Variants in A4GALT observed in about 807,000 individuals in gnomAD.
A4GALT encodes the protein lactosylceramide 4-alpha-galactosyltransferase.
For synonymous variants in A4GALT, 257 were observed against 220.7 expected (o/e 1.16, Z -1.46); for missense variants, 512 against 486.0 (o/e 1.05, Z -0.50).
chr22:42,706,566 G>A (rs915933506), intron 1 of A4GALT, among the ~76,000 whole-genome samples: 12 of 151,958 alleles, frequency 7.9e-5, no homozygotes, highest in South Asian at 2.1e-4. Flanking sequence ...AGGCCAAGAC[G>A]GGTGGATCAC....
chr22:42,692,835 A>T lies in A4GALT; in HGVS notation c.*55T>A. 6.3e-7 allele frequency: 1 copy of T among 1,587,794 alleles called. No homozygotes were observed. The highest frequency in any genetic ancestry group is 8.5e-7 in the Non-Finnish European group (1 of 1,170,806). On this transcript the variant is annotated 3_prime_UTR_variant, in exon 3 of 3. Transcript: ENST00000642412. The surrounding 1 kb of genome is among the most constrained non-coding windows in gnomAD (Gnocchi z 4.6). Reference sequence around the variant, plus strand: ...GGCCCTCAATCTTGCCTCCCCGGGAAGGGCGGCCCAGTGCCCCATCAGGAG... The same window carrying T: ...GGCCCTCAATCTTGCCTCCCCGGGATGGGCGGCCCAGTGCCCCATCAGGAG...
chr22:42,701,905 C>T (rs1931322946), intron 1 of A4GALT, among the ~76,000 whole-genome samples: 1 of 152,152 alleles, frequency 6.6e-6, no homozygotes, highest in Admixed American at 6.6e-5. Flanking sequence ...ACTGTCATGA[C>T]ACGTGGATCC....
chr22:42,703,062 T>A (rs1275968990), intron 1 of A4GALT, among the ~76,000 whole-genome samples: 3 of 149,008 alleles, frequency 2.0e-5, no homozygotes, highest in African/African-American at 7.6e-5. Context: ...CCCTGCTGTG[T>A]GTGTGTGTGT....
chr22:42,713,447 A>G (rs1921867036), intron 1 of A4GALT, among the ~76,000 whole-genome samples: 1 of 152,228 alleles, frequency 6.6e-6, no homozygotes, highest in Non-Finnish European at 1.5e-5. Flanking sequence ...AATATGTACA[A>G]CAGGGAAGAG....
intron 1 of A4GALT, among the ~76,000 whole-genome samples, chr22:42,704,642 G>A (rs982836061): frequency 8.6e-5 from 13 of 151,994 alleles, no homozygotes; most frequent in African/African-American, 2.4e-4. Flanking sequence ...TCAAGCAGGC[G>A]GTCTTGCTGT....
chr22:42,692,988 G>A lies in A4GALT; in HGVS notation c.964C>T (p.Gln322Ter), dbSNP rs1288356197. Residue 322 changes from glutamine to a stop codon, truncating the protein, a stop_gained, in exon 3 of 3, where the codon CAG (glutamine) becomes TAG (stop). Coordinates refer to ENST00000642412, the MANE Select transcript of A4GALT (RefSeq NM_017436.7). LOFTEE classifies it high-confidence loss of function. This position sits in a 1 kb window ranked among gnomAD's most constrained non-coding sequence, Gnocchi z 4.6. ...YAVHVWNKKS[Q>*]GTRFEATSRA... ...GACGTGGCCTCGAACCGCGTGCCCT[G>A]GCTCTTCTTGTTCCACACGTGGACA... The A allele has an allele frequency of 6.2e-7, 1 of 1,613,540 alleles. No homozygotes were observed. Among genetic ancestry groups the A allele is most frequent in the Admixed American group, 1.7e-5 (1 of 60,032 alleles).
Position 42,693,148 on chromosome 22 carries a change from G to A in A4GALT, c.804C>T (p.Ala268=). Residue 268 remains alanine (A), a synonymous_variant, in exon 3 of 3, where the codon GCC becomes GCT. Transcript: ENST00000642412. The part of the protein sequence containing the change: ...FKKWCSIRSL[A]ESRACRGVTT... ...TGACGCCGCGGCAGGCGCGGCTCTC[G>A]GCCAGGCTGCGGATGGAACACCACT... is the stretch of plus-strand genomic sequence containing the variant. 3.1e-6 allele frequency: 5 copies of A among 1,600,032 alleles called. No individual in the cohort carries two copies. The highest frequency in any genetic ancestry group is 4.5e-5 in the East Asian group (2 of 44,040).
At chr22:42,707,157 TGATA>T (rs1400072883) in intron 1 of A4GALT, among the ~76,000 whole-genome samples, 1 of 152,196 alleles carries the variant, frequency 6.6e-6, no homozygotes, top group Non-Finnish European at 1.5e-5. Flanking sequence ...TCTACCCTAG[TGATA>T]GATACTGTGC....
At chr22:42,703,256 T>G (rs1602003678) in intron 1 of A4GALT, among the ~76,000 whole-genome samples, 1 of 110,092 alleles carries the variant, frequency 9.1e-6, no homozygotes, top group Non-Finnish European at 1.8e-5. Context: ...TTTGTTTGTT[T>G]TTGTTTTTTT....
chr22:42,713,209 C>T (rs1921847225), intron 1 of A4GALT, among the ~76,000 whole-genome samples: 1 of 152,210 alleles, frequency 6.6e-6, no homozygotes, highest in African/African-American at 2.4e-5. Context: ...CATCACTGAC[C>T]TCTTAGAGCG....
intron 1 of A4GALT, among the ~76,000 whole-genome samples, chr22:42,708,666 C>T (rs533322967): frequency 6.5e-4 from 98 of 151,894 alleles, no homozygotes; most frequent in African/African-American, 2.3e-3. Flanking sequence ...TGGAAAAAAG[C>T]CAATAAAATA....
At chr22:42,709,067 A>ATATATT (rs1180529043) in intron 1 of A4GALT, among the ~76,000 whole-genome samples, 4 of 128,806 alleles carry the variant, frequency 3.1e-5, no homozygotes, top group African/African-American at 1.1e-4. Context: ...ATATATATAT[A>ATATATT]TTTTTTTTAA....
intron 1 of A4GALT, among the ~76,000 whole-genome samples, chr22:42,698,267 G>A (rs1187305121): frequency 6.7e-6 from 1 of 148,408 alleles, no homozygotes; most frequent in African/African-American, 2.5e-5. Flanking sequence ...AAAAAAAATC[G>A]AGAGGTGCAG....
At chr22:42,704,526 A>G (rs1029177304) in intron 1 of A4GALT, among the ~76,000 whole-genome samples, 58 of 152,026 alleles carry the variant, frequency 3.8e-4, no homozygotes, top group African/African-American at 1.4e-3. Context: ...TAAAAAAAAA[A>G]GAAGGGCTGA....
intron 1 of A4GALT, among the ~76,000 whole-genome samples, chr22:42,708,315 T>C (rs1366715047): frequency 6.6e-6 from 1 of 151,354 alleles, no homozygotes; most frequent in Non-Finnish European, 1.5e-5. Context: ...GAGAAGGAGG[T>C]TGCAGTGAGC....
At chr22:42,720,342 C>T (rs1255484201) in intron 1 of A4GALT, among the ~76,000 whole-genome samples, 2 of 144,262 alleles carry the variant, frequency 1.4e-5, no homozygotes, top group Non-Finnish European at 3.1e-5. Flanking sequence ...GCTCTCCATC[C>T]CCGTCCCCGG....
intron 1 of A4GALT, among the ~76,000 whole-genome samples, chr22:42,719,194 CAT>C (rs1325973869): frequency 6.6e-6 from 1 of 152,222 alleles, no homozygotes; most frequent in African/African-American, 2.4e-5. Context: ...GGAAACAAAA[CAT>C]ATTTTGTAGA....
Position 42,693,502 on chromosome 22 carries a change from G to A in A4GALT, c.450C>T (p.Phe150=), listed in dbSNP as rs1422372233. ...ACCAGTCGGCCAGGGGTGTGTCCCG[G>A]AACAGCTCCCGCAGGTCCAGCGGGA... ...QMLPLDLREL[F]RDTPLADWYA... is the part of the protein sequence containing the mutation. The change falls in exon 3 of 3, where the codon TTC becomes TTT. Residue 150 remains phenylalanine, a synonymous_variant. Transcript: ENST00000642412. 1 of 1,613,088 alleles carries A rather than the reference G, an allele frequency of 6.2e-7. No individual in the cohort carries two copies. The highest frequency in any genetic ancestry group is 1.3e-5 in the African/African-American group (1 of 74,940).
intron 1 of A4GALT, among the ~76,000 whole-genome samples, chr22:42,711,403 G>A (rs1261468948): frequency 6.6e-6 from 1 of 152,170 alleles, no homozygotes; most frequent in African/African-American, 2.4e-5. Context: ...ATCTCACTCT[G>A]GGGCTTTATC....
Sources: allele counts gnomAD v4.1 joint callset (sites outside exome capture counted in the v4.1 genomes callset), GRCh38; gene constraint gnomAD v4.1.1; non-coding constraint Gnocchi (gnomAD v3.1); transcripts MANE v1.5; gene names NCBI Gene and HGNC (gene_info 2026-07-23, HGNC 2026-07-21).